MYO19: variants seen among roughly 807,000 people sequenced by gnomAD.
The protein encoded by MYO19 is unconventional myosin-XIX.
Under a neutral mutation model 129.2 loss-of-function variants are expected in MYO19, and 132 were observed. The ratio of observed to expected loss-of-function variants is 1.02; its 90% confidence interval spans 0.89 to 1.18. The LOEUF (loss-of-function observed/expected upper bound fraction) is 1.18, where lower values mean the gene tolerates loss of function less well. MYO19 is among the 50% of genes most tolerant of loss of function. The pLI, the probability that MYO19 is intolerant of heterozygous loss-of-function variation, is 0.00. For missense variants in MYO19, 1,210 were observed against 1,216.7 expected, an observed-to-expected ratio of 0.99 and a Z score of 0.08; for synonymous variants, 531 against 477.2, an observed-to-expected ratio of 1.11 and a Z score of -1.47.
At chr17:36,543,665 C>T (rs1397801481), upstream of MYO19, among the ~76,000 whole-genome samples, 1 of 152,118 alleles carries the variant, frequency 6.6e-6, no homozygotes, top group East Asian at 1.9e-4. Context: ...GCTCTTGTTG[C>T]CCAGGCTGCA....
rs2073745733 is a variant in MYO19, at chr17:36,530,234, C to T, written c.13-2032G>A. Among the ~76,000 whole-genome samples the T allele has an allele frequency of 3.3e-5, 5 of 152,102 alleles. No individual in the cohort carries two copies. In the South Asian group the frequency reaches 6.2e-4, roughly 19 times the overall value. On this transcript the variant is annotated intron_variant, in intron 3 of 25. Transcript: ENST00000614623. ...GGCTGAGGCAGGAGGGTTGCTTCAG[C>T]CCAGGAGGTCGAGGCTACAGTGAGC...
At position 36,513,685 on chromosome 17, in the gene MYO19, T is replaced by C. The variant is rs747480784; in HGVS notation, c.761A>G (p.His254Arg). The change falls in exon 10 of 26, where the codon CAC becomes CGC. Residue 254 changes from histidine to arginine, a missense_variant. By Grantham distance (29) the His-to-Arg change is conservative (BLOSUM62 0). Coordinates refer to ENST00000614623, the MANE Select transcript of MYO19 (RefSeq NM_001163735.2). ...GGAGAAGGCAGCTCCCTCAGGAAGGTGCCACTGGAGCCTCTCGTCCTCACT... is the reference window on the plus strand; with the variant it reads ...GGAGAAGGCAGCTCCCTCAGGAAGGCGCCACTGGAGCCTCTCGTCCTCACT... Reference protein sequence around the residue: ...GASEDERLQWHLPEGAAFSWL... With the variant: ...GASEDERLQWRLPEGAAFSWL... The C allele has an allele frequency of 1.2e-6, 2 of 1,613,870 alleles. No homozygotes were observed. The highest frequency in any genetic ancestry group is 1.7e-6 in the Non-Finnish European group (2 of 1,179,862).
intron 12 of MYO19, chr17:36,511,135 C>CA: frequency 1.5e-6 from 1 of 670,068 alleles, no homozygotes; most frequent in Non-Finnish European, 2.5e-6. Context: ...ATGTATGGGA[C>CA]AAATCACTTT....
intron 12 of MYO19, 77 bp from the exon 13 acceptor site, chr17:36,510,994 G>A (rs2072285868): frequency 4.8e-6 from 7 of 1,457,870 alleles, no homozygotes; most frequent in Non-Finnish European, 5.5e-6. Flanking sequence ...AGTCATCACA[G>A]CGGGACCATG....
At chr17:36,500,366 T>C (rs998428297) in intron 23 of MYO19, 4 of 157,746 alleles carry the variant, frequency 2.5e-5, no homozygotes, top group South Asian at 2.0e-4. Flanking sequence ...TGTTAGATAT[T>C]TGGGTTCTTT....
chr17:36,523,441 G>A (rs935878721), intron 6 of MYO19, among the ~76,000 whole-genome samples: 53 of 152,216 alleles, frequency 3.5e-4, no homozygotes, highest in Admixed American at 3.1e-3. Flanking sequence ...TCCAGATTTG[G>A]TGACAAGTCT....
intron 19 of MYO19, 195 bp from the exon 20 acceptor site, chr17:36,504,215 G>T: frequency 3.9e-6 from 2 of 512,584 alleles, no homozygotes; most frequent in Non-Finnish European, 6.9e-6. Flanking sequence ...CACTAGAAAG[G>T]GTCCTGGTGG....
chr17:36,512,236 C>CA (rs1184603379), intron 11 of MYO19, among the ~76,000 whole-genome samples: 1 of 142,162 alleles, frequency 7.0e-6, no homozygotes, highest in African/African-American at 2.5e-5. Context: ...CACACACACA[C>CA]AAAATTAGCT....
chr17:36,506,902 C>A, intron 17 of MYO19, 61 bp downstream of exon 17: 1 of 1,461,948 alleles, frequency 6.8e-7, no homozygotes, highest in Non-Finnish European at 9.1e-7. Flanking sequence ...ACTATGTCTG[C>A]ATAGCAAAGA....
intron 16 of MYO19, 84 bp from the exon 17 acceptor site, chr17:36,507,223 G>T: frequency 1.3e-6 from 2 of 1,538,024 alleles, no homozygotes; most frequent in South Asian, 1.2e-5. Flanking sequence ...TGGACCCCAT[G>T]ACAGCAGACA....
At chr17:36,507,181 G>C (rs866454261) in intron 16 of MYO19, 42 bp from the exon 17 acceptor site, 13 of 1,577,314 alleles carry the variant, frequency 8.2e-6, no homozygotes, top group Middle Eastern at 1.8e-4. Context: ...ACATGAGAGT[G>C]TCTCACCACA....
At chr17:36,501,434 G>A (rs374111850) in intron 21 of MYO19, 199 bp from the exon 22 acceptor site, 17 of 557,642 alleles carry the variant, frequency 3.0e-5, no homozygotes, top group Middle Eastern at 4.7e-4. Context: ...TAGCTGTTCC[G>A]TGGAGCCTTG....
At chr17:36,505,999 G>A (rs1337049599) in intron 18 of MYO19, among the ~76,000 whole-genome samples, 2 of 152,204 alleles carry the variant, frequency 1.3e-5, no homozygotes, top group Non-Finnish European at 2.9e-5. Flanking sequence ...GGGCGTGGAG[G>A]ATGGGAGTGA....
chr17:36,527,575 C>T lies in MYO19; in HGVS notation c.276G>A (p.Glu92=). ...PQLYSPELMR[E]YHAAPQPQKL... is the part of the protein sequence containing the mutation. Reference sequence around the variant, plus strand: ...CCTGGGGCTGAGGCGCAGCATGGTACTCTCTCATTAGCTCGGGCGAGTAGA... The same window carrying T: ...CCTGGGGCTGAGGCGCAGCATGGTATTCTCTCATTAGCTCGGGCGAGTAGA... The change falls in exon 5 of 26, where the codon GAG becomes GAA. Residue 92 remains glutamate (E), a synonymous_variant. Transcript: ENST00000614623. 6.2e-7 allele frequency: 1 copy of T among 1,613,878 alleles called. No homozygotes were observed. The highest frequency in any genetic ancestry group is 1.3e-5 in the African/African-American group (1 of 75,054).
Position 36,511,081 on chromosome 17 carries a change from T to C in MYO19, c.986-164A>G, listed in dbSNP as rs139930121. The C allele has an allele frequency of 7.8e-3, 6,218 of 798,608 alleles. 33 individuals carry two copies. Among genetic ancestry groups the C allele is most frequent in the Non-Finnish European group, 8.9e-3 (4,600 of 516,056 alleles). The allele number at this position is 798,608 out of a possible 1,614,324, so 49.5% of individuals were successfully genotyped here. A position where few individuals can be genotyped will look rare whatever the true frequency, so the allele number is the denominator to read the frequency against. Reference sequence around the variant, plus strand: ...ACCCAAAGGACTCCATAAACAGCAGTCAGAACTCAAACCCAGCACTTTCAT... The same window carrying C: ...ACCCAAAGGACTCCATAAACAGCAGCCAGAACTCAAACCCAGCACTTTCAT... On this transcript the variant is annotated intron_variant, in intron 12 of 25. Transcript: ENST00000614623.
At chr17:36,530,139 G>A (rs1173328185) in intron 3 of MYO19, among the ~76,000 whole-genome samples, 2 of 152,062 alleles carry the variant, frequency 1.3e-5, no homozygotes, top group Non-Finnish European at 2.9e-5. Context: ...AGGTGACCCT[G>A]TCTCTATAAA....
At position 36,497,663 on chromosome 17, in the gene MYO19, C is replaced by A. The variant is rs552021885; in HGVS notation, c.2757+603G>T. ...GCAGCGGCGCAATCTCGGCTCACTG[C>A]AACCTCTCCCTCCCAGATTCAAGCA... On this transcript the variant is annotated intron_variant, in intron 25 of 25. Coordinates refer to ENST00000614623, the MANE Select transcript of MYO19 (RefSeq NM_001163735.2). 1.1e-3 allele frequency: 454 copies of A among 421,748 alleles called. 1 individual carries two copies. Among genetic ancestry groups the A allele is most frequent in the African/African-American group, 8.9e-3 (416 of 46,554 alleles). The allele number at this position is 421,748 out of a possible 1,614,324, so 26.1% of individuals were successfully genotyped here.
chr17:36,536,030 A>G (rs1489058334), upstream of MYO19, among the ~76,000 whole-genome samples: 1 of 152,154 alleles, frequency 6.6e-6, no homozygotes, highest in Non-Finnish European at 1.5e-5. Flanking sequence ...CTCATGGTAC[A>G]TTTAGAAACT....
chr17:36,514,511 G>A lies in MYO19; in HGVS notation c.655C>T (p.Leu219Phe), dbSNP rs573759470. The change falls in exon 9 of 26, where the codon CTC (leucine) becomes TTC (phenylalanine). Residue 219 changes from leucine to phenylalanine, a missense_variant. Transcript: ENST00000614623. ...CAGGCCACTCGAGTTTTCTCTAGGA[G>A]GTAGGTCTGGACTGCGGCTCCAGTC... is the stretch of plus-strand genomic sequence containing the variant. ...QMTGAAVQTY[L>F]LEKTRVACQA... 45 of 1,613,570 alleles carry A rather than the reference G, an allele frequency of 2.8e-5. 1 individual carries two copies. The South Asian group carries it at 4.5e-4, about 16-fold the overall frequency.
Sources: gnomAD v4.1 joint callset for allele counts (sites outside exome capture counted in the v4.1 genomes callset) on GRCh38, gnomAD v4.1.1 for gene constraint, MANE v1.5 for transcripts, NCBI Gene and HGNC (gene_info 2026-07-23, HGNC 2026-07-21) for gene names.